MYO5A: variants seen among roughly 807,000 people sequenced by gnomAD.
The protein encoded by MYO5A is myosin VA.
Under a neutral mutation model 249.7 loss-of-function variants are expected in MYO5A, and 98 were observed. That is an observed-to-expected ratio of 0.39 (90% CI 0.33 to 0.46). The LOEUF is 0.46. Ranked by LOEUF, MYO5A falls within the 20% of genes least tolerant of loss-of-function variation. MYO5A has a pLI of 0.98. For missense variants in MYO5A, 1,696 were observed against 2,308.8 expected (o/e 0.73, Z 5.44); for synonymous variants, 778 against 810.6 (o/e 0.96, Z 0.68).
chr15:52,396,947 G>A (rs2042515265), intron 10 of MYO5A, among the ~76,000 whole-genome samples: 1 of 152,162 alleles, frequency 6.6e-6, no homozygotes, highest in Non-Finnish European at 1.5e-5. Context: ...TACCACATGA[G>A]CATCTGAAAA....
At chr15:52,332,012 G>C (rs932221125) in intron 34 of MYO5A, among the ~76,000 whole-genome samples, 3 of 152,202 alleles carry the variant, frequency 2.0e-5, no homozygotes, top group African/African-American at 7.2e-5. Context: ...TCTGGTGTCA[G>C]TTTAAACACA....
At chr15:52,500,678 T>A (rs1302781223) in intron 1 of MYO5A, among the ~76,000 whole-genome samples, 1 of 152,150 alleles carries the variant, frequency 6.6e-6, no homozygotes, top group African/African-American at 2.4e-5. Flanking sequence ...GGGAGTTTAA[T>A]AGGGTTCTTT....
chr15:52,327,736 T>C (rs2038678452), intron 36 of MYO5A, 116 bp downstream of exon 36: 3 of 1,113,596 alleles, frequency 2.7e-6, no homozygotes, highest in Middle Eastern at 2.1e-4. Flanking sequence ...TAAATAAAAA[T>C]TGGAAAGTTT....
chr15:52,333,087 A>C (rs546018955), intron 34 of MYO5A, among the ~76,000 whole-genome samples: 5 of 152,182 alleles, frequency 3.3e-5, no homozygotes, highest in Non-Finnish European at 5.9e-5. Flanking sequence ...CCATCTCGGA[A>C]GCAGAAACCA....
Position 52,313,522 on chromosome 15 carries a change from T to C in MYO5A, c.*174A>G, listed in dbSNP as rs2037850732. 5 of 833,148 alleles carry C rather than the reference T, an allele frequency of 6.0e-6. No homozygotes were observed. Among genetic ancestry groups the C allele is most frequent in the Non-Finnish European group, 9.5e-6 (5 of 528,078 alleles). 51.6% of individuals were successfully genotyped at this position (833,148 alleles called of 1,614,324 possible). A position where few individuals can be genotyped will look rare whatever the true frequency, so the allele number is the denominator to read the frequency against. ...AGATAACACAGCACGAAAGAGCCTA[T>C]CTTTGTTTCCAAAGTGATGAAAGTA... On this transcript the variant is annotated 3_prime_UTR_variant, in exon 42 of 42. Coordinates refer to ENST00000399233, the MANE Select transcript of MYO5A (RefSeq NM_001382347.1).
chr15:52,483,477 G>C (rs2076756125), intron 1 of MYO5A, among the ~76,000 whole-genome samples: 1 of 152,048 alleles, frequency 6.6e-6, no homozygotes, highest in Non-Finnish European at 1.5e-5. Context: ...GAGTAGGGAA[G>C]AGAAAAAGTG....
intron 1 of MYO5A, among the ~76,000 whole-genome samples, chr15:52,482,235 T>A (rs372311752): frequency 6.6e-6 from 1 of 152,214 alleles, no homozygotes; most frequent in Non-Finnish European, 1.5e-5. Flanking sequence ...ATCTCTTTTT[T>A]TCGTTTAACA....
chr15:52,519,943 C>A (rs2077581931), intron 1 of MYO5A, among the ~76,000 whole-genome samples: 1 of 152,134 alleles, frequency 6.6e-6, no homozygotes, highest in Admixed American at 6.5e-5. Context: ...GTTAGCCAAG[C>A]TGGTCTCAAG....
intron 1 of MYO5A, among the ~76,000 whole-genome samples, chr15:52,514,990 G>A (rs1197788814): frequency 1.3e-5 from 2 of 152,096 alleles, no homozygotes; most frequent in Non-Finnish European, 2.9e-5. Flanking sequence ...AAAGAATAAG[G>A]GACCAAGCTG....
At chr15:52,418,760 G>A (rs1040998550) in intron 4 of MYO5A, among the ~76,000 whole-genome samples, 2 of 150,360 alleles carry the variant, frequency 1.3e-5, no homozygotes, top group African/African-American at 2.4e-5. Flanking sequence ...GAGAGACAGA[G>A]AGAGAGAGAG....
At chr15:52,416,365 A>T (rs755829783) in intron 4 of MYO5A, 64 bp from the exon 5 acceptor site, 3 of 1,540,046 alleles carry the variant, frequency 1.9e-6, no homozygotes, top group Non-Finnish European at 1.8e-6. Flanking sequence ...TTGATAAGGG[A>T]AACTATGGTC....
At chr15:52,505,111 G>A in intron 1 of MYO5A, 1 of 667,214 alleles carries the variant, frequency 1.5e-6, no homozygotes. Flanking sequence ...GCAACAAAAG[G>A]TCCAAGGACA....
Position 52,519,620 on chromosome 15 carries a change from AATAAT to A in MYO5A, c.27+9155_27+9159del, listed in dbSNP as rs1566878644. 1.0e-3 allele frequency among the ~76,000 whole-genome samples: 74 copies of A among 73,036 alleles called. 1 individual carries two copies. Among genetic ancestry groups the A allele is most frequent in the Non-Finnish European group, 1.8e-3 (58 of 31,594 alleles). 47.9% of individuals were successfully genotyped at this position (73,036 alleles called of 152,430 possible). On this transcript the variant is annotated intron_variant, in intron 1 of 41. Coordinates refer to ENST00000399233, the MANE Select transcript of MYO5A (RefSeq NM_001382347.1). ...GAACGAGACCTTGTCTAAAAAAAAT[AATAAT>A]AATAATAATAATAATAATACATGAA...
At chr15:52,415,944 T>C (rs2043462467) in intron 5 of MYO5A, 1 of 648,308 alleles carries the variant, frequency 1.5e-6, no homozygotes, top group African/African-American at 1.8e-5. Flanking sequence ...CAGATTCCGC[T>C]ATAGCTGGGC....
At chr15:52,350,264 C>A (rs2039875251) in intron 28 of MYO5A, among the ~76,000 whole-genome samples, 1 of 152,194 alleles carries the variant, frequency 6.6e-6, no homozygotes, top group African/African-American at 2.4e-5. Flanking sequence ...AAGCCCATTT[C>A]TCTATATAAC....
At chr15:52,319,388 C>T (rs200042104) in intron 38 of MYO5A, 46 bp from the exon 39 acceptor site, 53 of 1,587,200 alleles carry the variant, frequency 3.3e-5, no homozygotes, top group Non-Finnish European at 4.3e-5. Context: ...TGGAAGGGAA[C>T]CTTTCATGTG....
chr15:52,468,011 G>C (rs1745049302), intron 1 of MYO5A, among the ~76,000 whole-genome samples: 1 of 152,044 alleles, frequency 6.6e-6, no homozygotes, highest in Admixed American at 6.5e-5. Context: ...ATAGGCAAAA[G>C]AAAAAAACAG....
Position 52,498,427 on chromosome 15 carries a change from G to A in MYO5A, c.27+30353C>T, listed in dbSNP as rs564269480. 5.3e-5 allele frequency among the ~76,000 whole-genome samples: 8 copies of A among 152,074 alleles called. No homozygotes were observed. In the South Asian group the frequency reaches 1.2e-3, roughly 24 times the overall value. On this transcript the variant is annotated intron_variant, in intron 1 of 41. Transcript: ENST00000399233. ...AAACTGCCCTATAGAAAGACTGAAC[G>A]AATTTTACTCCCACTAGCAGTTTGT... is the stretch of plus-strand genomic sequence containing the variant.
intron 37 of MYO5A, among the ~76,000 whole-genome samples, chr15:52,322,115 C>A (rs1010320022): frequency 6.6e-6 from 1 of 152,212 alleles, no homozygotes; most frequent in Non-Finnish European, 1.5e-5. Context: ...TGCAGTTTAA[C>A]ACGTTGTTTG....
Sources: gnomAD v4.1 joint callset for allele counts (sites outside exome capture counted in the v4.1 genomes callset) on GRCh38, gnomAD v4.1.1 for gene constraint, MANE v1.5 for transcripts, NCBI Gene and HGNC (gene_info 2026-07-23, HGNC 2026-07-21) for gene names.